Variants in PIP4K2A observed in about 807,000 individuals in gnomAD.
PIP4K2A encodes the protein phosphatidylinositol-5-phosphate 4-kinase type 2 alpha.
In PIP4K2A, 14 loss-of-function variants were observed where a neutral mutation model predicts 42.9. That is an observed-to-expected ratio of 0.33 (90% CI 0.22 to 0.51). The LOEUF is 0.51. Among genes scored for constraint, PIP4K2A ranks in the 20% least tolerant of loss-of-function variants. The pLI is 0.97. For synonymous variants in PIP4K2A, 192 were observed against 192.2 expected, an observed-to-expected ratio of 1.00 and a Z score of 0.01; for missense variants, 434 against 519.8, an observed-to-expected ratio of 0.83 and a Z score of 1.61.
At chr10:22,606,417 CTG>C (rs530477036) in intron 3 of PIP4K2A, among the ~76,000 whole-genome samples, 119 of 152,362 alleles carry the variant, frequency 7.8e-4, no homozygotes, top group African/African-American at 2.8e-3. Flanking sequence ...CTCAGCTCTT[CTG>C]TGTACACAGA....
At chr10:22,606,547 T>C (rs2130698526) in intron 3 of PIP4K2A, among the ~76,000 whole-genome samples, 1 of 152,266 alleles carries the variant, frequency 6.6e-6, no homozygotes, top group East Asian at 1.9e-4. Flanking sequence ...CTCTCATGCC[T>C]GAGTAAACAT....
intron 1 of PIP4K2A, among the ~76,000 whole-genome samples, chr10:22,645,426 G>C (rs1011882776): frequency 6.6e-6 from 1 of 151,876 alleles, no homozygotes; most frequent in Non-Finnish European, 1.5e-5. Context: ...AGGACCTGTA[G>C]TCCCAGCTAC....
At position 22,609,684 on chromosome 10, in the gene PIP4K2A, TA is replaced by T; in HGVS notation, c.177del (p.Met60CysfsTer2). 6.2e-7 allele frequency: 1 copy of T among 1,609,144 alleles called. No homozygotes were observed. Among genetic ancestry groups the T allele is most frequent in the Non-Finnish European group, 8.5e-7 (1 of 1,176,272 alleles). On this transcript the variant is annotated frameshift_variant, in exon 2 of 10. Transcript: ENST00000376573. LOFTEE classifies it high-confidence loss of function. ...INELSHVQIP[V>X]MLMPDDFKAY... Reference sequence around the variant, plus strand: ...GCTTTGAAGTCATCTGGCATCAACATAACAGGGATTTGAACATGGCTCAGTT... The same window carrying T: ...GCTTTGAAGTCATCTGGCATCAACATACAGGGATTTGAACATGGCTCAGTT...
At chr10:22,577,785 T>C (rs1329022189) in intron 4 of PIP4K2A, among the ~76,000 whole-genome samples, 2 of 152,176 alleles carry the variant, frequency 1.3e-5, no homozygotes, top group Non-Finnish European at 2.9e-5. Context: ...CACTAGCAGC[T>C]TCTCAACAGT....
At chr10:22,703,850 GAGA>G (rs1416666770) in intron 1 of PIP4K2A, among the ~76,000 whole-genome samples, 7 of 152,138 alleles carry the variant, frequency 4.6e-5, no homozygotes, top group African/African-American at 1.4e-4. Context: ...ATTGGATGTG[GAGA>G]AGGAGTGGGG....
At chr10:22,706,954 T>G (rs1438308627) in intron 1 of PIP4K2A, among the ~76,000 whole-genome samples, 5 of 152,084 alleles carry the variant, frequency 3.3e-5, no homozygotes. Context: ...GCATACAATC[T>G]GATAATTTGC....
chr10:22,576,315 C>T (rs1433894806), intron 4 of PIP4K2A, among the ~76,000 whole-genome samples: 1 of 152,174 alleles, frequency 6.6e-6, no homozygotes, highest in African/African-American at 2.4e-5. Context: ...GCACGATGCG[C>T]TGTTGTAGGC....
chr10:22,574,835 T>C (rs540391553), intron 4 of PIP4K2A, among the ~76,000 whole-genome samples: 1 of 152,286 alleles, frequency 6.6e-6, no homozygotes, highest in South Asian at 2.1e-4. Flanking sequence ...AGGCAGTAAA[T>C]AGCCACTGGG....
At chr10:22,537,384 C>A in intron 9 of PIP4K2A, 103 bp from the exon 10 acceptor site, 3 of 864,098 alleles carry the variant, frequency 3.5e-6, no homozygotes, top group South Asian at 3.1e-5. Context: ...GAATATACAG[C>A]AAGCAATTTT....
intron 1 of PIP4K2A, among the ~76,000 whole-genome samples, chr10:22,632,510 G>A (rs1284293173): frequency 6.6e-6 from 1 of 152,148 alleles, no homozygotes; most frequent in Non-Finnish European, 1.5e-5. Context: ...AGCTGGATTT[G>A]TCATTTTTAT....
Position 22,536,975 on chromosome 10 carries a change from CA to C in PIP4K2A, c.*225del. On this transcript the variant is annotated 3_prime_UTR_variant, in exon 10 of 10. Transcript: ENST00000376573. ...CACACTCACCCCCCCCCAACACACA[CA>C]CACACACATATACACAAAGTCAGAA... 2 of 432,586 alleles carry C rather than the reference CA, an allele frequency of 4.6e-6. No individual in the cohort carries two copies. The highest frequency in any genetic ancestry group is 8.3e-6 in the Non-Finnish European group (2 of 240,202). The allele number at this position is 432,586 out of a possible 1,614,324, so 26.8% of individuals were successfully genotyped here. A position where few individuals can be genotyped will look rare whatever the true frequency, so the allele number is the denominator to read the frequency against.
At chr10:22,661,411 C>T (rs1366178475) in intron 1 of PIP4K2A, among the ~76,000 whole-genome samples, 2 of 139,986 alleles carry the variant, frequency 1.4e-5, no homozygotes, top group African/African-American at 2.7e-5. Context: ...GGCTGGAGTG[C>T]AGTAGCACAG....
intron 1 of PIP4K2A, among the ~76,000 whole-genome samples, chr10:22,630,295 A>G (rs1405834125): frequency 1.3e-5 from 2 of 152,078 alleles, no homozygotes; most frequent in African/African-American, 4.8e-5. Context: ...ATACAATGCC[A>G]TTTCCTCCAC....
intron 9 of PIP4K2A, among the ~76,000 whole-genome samples, chr10:22,538,101 T>C (rs1414549794): frequency 6.6e-6 from 1 of 152,248 alleles, no homozygotes. Context: ...GGAGTTTTGC[T>C]AAGTGAGCAT....
rs139041600 is a variant in PIP4K2A, at chr10:22,709,952, G to A, written c.144+4231C>T. On this transcript the variant is annotated intron_variant, in intron 1 of 9. Coordinates refer to ENST00000376573, the MANE Select transcript of PIP4K2A (RefSeq NM_005028.5). ...TCTAATGTCTAATTTTAATTTTAATGTAATTGCCTTATTATGTCCTATTCA... is the reference window on the plus strand; with the variant it reads ...TCTAATGTCTAATTTTAATTTTAATATAATTGCCTTATTATGTCCTATTCA... Among the ~76,000 whole-genome samples the A allele has an allele frequency of 3.3e-3, 495 of 151,144 alleles. 2 individuals are homozygous for A. Among genetic ancestry groups the A allele is most frequent in the African/African-American group, 0.011 (470 of 41,186 alleles).
intron 1 of PIP4K2A, among the ~76,000 whole-genome samples, chr10:22,653,538 A>T (rs1056246767): frequency 6.6e-6 from 1 of 152,214 alleles, no homozygotes; most frequent in Admixed American, 6.5e-5. Flanking sequence ...AAGGCAGGGG[A>T]GGCAGACAGA....
Position 22,537,084 on chromosome 10 carries a change from CA to C in PIP4K2A, c.*116del, listed in dbSNP as rs1178737456. 1.1e-5 allele frequency: 8 copies of C among 724,416 alleles called. No homozygotes were observed. The highest frequency in any genetic ancestry group is 7.2e-5 in the African/African-American group (4 of 55,814). 44.9% of individuals were successfully genotyped at this position (724,416 alleles called of 1,614,324 possible). A position where few individuals can be genotyped will look rare whatever the true frequency, so the allele number is the denominator to read the frequency against. ...AGTCATCTTGGCCTGAAGATGTAAACAAGGAGGTTTGCTTCCTGCAAGATGA... is the reference window on the plus strand; with the variant it reads ...AGTCATCTTGGCCTGAAGATGTAAACAGGAGGTTTGCTTCCTGCAAGATGA... On this transcript the variant is annotated 3_prime_UTR_variant, in exon 10 of 10. Coordinates refer to ENST00000376573, the MANE Select transcript of PIP4K2A (RefSeq NM_005028.5).
intron 4 of PIP4K2A, among the ~76,000 whole-genome samples, chr10:22,583,141 C>T (rs182825133): frequency 6.6e-6 from 1 of 152,292 alleles, no homozygotes; most frequent in Non-Finnish European, 1.5e-5. Flanking sequence ...TAAACAACAT[C>T]ATCATTAAAA....
intron 1 of PIP4K2A, among the ~76,000 whole-genome samples, chr10:22,645,690 T>TC (rs1254305288): frequency 6.6e-6 from 1 of 151,440 alleles, no homozygotes; most frequent in African/African-American, 2.4e-5. Flanking sequence ...TACTTAATTT[T>TC]TTTTTTTTTT....
Sources: allele counts gnomAD v4.1 joint callset (sites outside exome capture counted in the v4.1 genomes callset), GRCh38; gene constraint gnomAD v4.1.1; transcripts MANE v1.5; gene names NCBI Gene and HGNC (gene_info 2026-07-23, HGNC 2026-07-21).